Variants in ZNF589 observed in about 807,000 individuals in gnomAD.
ZNF589 encodes zinc finger protein 589, also known as KRAB-zinc finger protein SZF1-1.
In ZNF589, 17 loss-of-function variants were observed where a neutral mutation model predicts 13.6. The ratio of observed to expected loss-of-function variants is 1.25; its 90% CI spans 0.86 to 1.88. ZNF589 has a LOEUF of 1.88. Ranked by LOEUF, ZNF589 falls within the 40% of genes most tolerant of loss-of-function variation. The pLI is 0.00. For synonymous variants in ZNF589, 148 were observed against 161.6 expected (o/e 0.92, Z 0.64); for missense variants, 407 against 434.0 (o/e 0.94, Z 0.55).
rs990216993 is a variant in ZNF589 at position 48,269,456 on chromosome 3, T to C, written c.*670T>C. On this transcript the variant is annotated 3_prime_UTR_variant, in exon 4 of 4. Coordinates refer to ENST00000354698, the MANE Select transcript of ZNF589 (RefSeq NM_016089.3). ...GGAGAAGCCTTATGTGTGTGGGGAA[T>C]GTGGGCGGGGATTTGGCCGGAAGAT... 2 of 425,308 alleles carry C rather than the reference T, an allele frequency of 4.7e-6. No homozygotes were observed. The highest frequency in any genetic ancestry group is 9.0e-6 in the Non-Finnish European group (2 of 222,874). The allele number at this position is 425,308 out of a possible 1,614,324, so 26.3% of individuals were successfully genotyped here.
intron 2 of ZNF589, among the ~76,000 whole-genome samples, chr3:48,251,879 C>G (rs1290502868): frequency 1.3e-5 from 2 of 151,678 alleles, no homozygotes; most frequent in South Asian, 4.2e-4. Flanking sequence ...CTCATCTTTA[C>G]GAAAAGTACA....
At chr3:48,258,815 T>G (rs1372131356) in intron 2 of ZNF589, among the ~76,000 whole-genome samples, 7 of 152,190 alleles carry the variant, frequency 4.6e-5, no homozygotes, top group Non-Finnish European at 1.0e-4. Context: ...TTTGGACTTG[T>G]GCGGTCTGAC....
At position 48,261,164 on chromosome 3, in the gene ZNF589, T is replaced by TA. The variant is rs565650030; in HGVS notation, c.223+234dup. On this transcript the variant is annotated intron_variant, in intron 3 of 3. Coordinates refer to ENST00000354698, the MANE Select transcript of ZNF589 (RefSeq NM_016089.3). ...CAAAGGATAATAAGTGCTACATAGC[T>TA]AAAAAAAAATGTATAAGATATATAT... 3.4e-3 allele frequency among the ~76,000 whole-genome samples: 519 copies of TA among 151,178 alleles called. 4 individuals carry two copies. Among genetic ancestry groups the TA allele is most frequent in the African/African-American group, 0.012 (482 of 41,294 alleles).
At chr3:48,242,547 T>C (rs1031860305) in intron 1 of ZNF589, among the ~76,000 whole-genome samples, 3 of 151,770 alleles carry the variant, frequency 2.0e-5, no homozygotes, top group African/African-American at 7.3e-5. Context: ...CAAGGGATCC[T>C]CCCGCCTCGG....
Position 48,268,230 on chromosome 3 carries a change from G to T in ZNF589, c.539G>T (p.Gly180Val), listed in dbSNP as rs2034043032. 3 of 1,605,752 alleles carry T rather than the reference G, an allele frequency of 1.9e-6. No individual in the cohort carries two copies. In the African/African-American group the frequency reaches 4.0e-5, roughly 21 times the overall value. Residue 180 changes from glycine (G) to valine (V), a missense_variant, in exon 4 of 4, where the codon GGA (glycine) becomes GTA (valine). Coordinates refer to ENST00000354698, the MANE Select transcript of ZNF589 (RefSeq NM_016089.3). The part of the protein sequence containing the change: ...LFQRPPISSW[G>V]GNRILEIQLS... ...CAGAGACCACCAATAAGCTCTTGGG[G>T]AGGCAACAGAATATTAGAGATACAG... is the stretch of plus-strand genomic sequence containing the variant.
At chr3:48,254,353 C>A (rs1015728431) in intron 2 of ZNF589, among the ~76,000 whole-genome samples, 1 of 152,206 alleles carries the variant, frequency 6.6e-6, no homozygotes, top group Non-Finnish European at 1.5e-5. Flanking sequence ...TTTGCCCATA[C>A]CACACTGTCT....
chr3:48,245,307 G>T (rs1467418193), intron 1 of ZNF589, among the ~76,000 whole-genome samples: 1 of 151,980 alleles, frequency 6.6e-6, no homozygotes, highest in East Asian at 1.9e-4. Flanking sequence ...TAGAGATGGG[G>T]TTCACCATTG....
chr3:48,252,449 C>T (rs2033849369), intron 2 of ZNF589, among the ~76,000 whole-genome samples: 1 of 151,540 alleles, frequency 6.6e-6, no homozygotes, highest in Non-Finnish European at 1.5e-5. Context: ...CCTCGGCCTC[C>T]CAAAGTGCTG....
rs2034044260 is a variant in ZNF589 at position 48,268,320 on chromosome 3, C to T, written c.629C>T (p.Pro210Leu). The T allele has an allele frequency of 6.2e-7, 1 of 1,614,026 alleles. No individual in the cohort carries two copies. Among genetic ancestry groups the T allele is most frequent in the East Asian group, 2.2e-5 (1 of 44,886 alleles). Residue 210 changes from proline to leucine, a missense_variant, in exon 4 of 4, where the codon CCA (proline) becomes CTA (leucine). Pro to Leu is a moderately conservative substitution (Grantham distance 98, BLOSUM62 -3). Coordinates refer to ENST00000354698, the MANE Select transcript of ZNF589 (RefSeq NM_016089.3). Reference sequence around the variant, plus strand: ...AGAATTTCCAAGAGGGCAGAAACCCCAGGGTTTGGAGCAGTCACGTTTGGG... The same window carrying T: ...AGAATTTCCAAGAGGGCAGAAACCCTAGGGTTTGGAGCAGTCACGTTTGGG... ...VDRISKRAETPGFGAVTFGEC... is the reference protein window; with the variant it reads ...VDRISKRAETLGFGAVTFGEC...
intron 2 of ZNF589, among the ~76,000 whole-genome samples, chr3:48,259,754 CA>C (rs2033948622): frequency 6.6e-6 from 1 of 151,666 alleles, no homozygotes; most frequent in Admixed American, 6.6e-5. Context: ...CTACTAAAAA[CA>C]AAATACAAAA....
chr3:48,256,325 A>G (rs1334878000), intron 2 of ZNF589: 2 of 499,270 alleles, frequency 4.0e-6, no homozygotes, highest in South Asian at 1.5e-5. Flanking sequence ...TGCAGGAGGA[A>G]CTCTGGAAGC....
rs780663814 is a variant in ZNF589, at chr3:48,269,475, G to A, written c.*689G>A. 1.0e-5 allele frequency: 4 copies of A among 397,616 alleles called. No individual in the cohort carries two copies. Among genetic ancestry groups the A allele is most frequent in the Admixed American group, 3.6e-5 (1 of 27,714 alleles). The allele number at this position is 397,616 out of a possible 1,614,324, so 24.6% of individuals were successfully genotyped here. A position where few individuals can be genotyped will look rare whatever the true frequency, so the allele number is the denominator to read the frequency against. On this transcript the variant is annotated 3_prime_UTR_variant, in exon 4 of 4. Coordinates refer to ENST00000354698, the MANE Select transcript of ZNF589 (RefSeq NM_016089.3). ...GGGGAATGTGGGCGGGGATTTGGCCGGAAGATACTCCTCAACAGACACTGG... is the reference window on the plus strand; with the variant it reads ...GGGGAATGTGGGCGGGGATTTGGCCAGAAGATACTCCTCAACAGACACTGG...
intron 2 of ZNF589, chr3:48,257,970 AAT>A: frequency 2.2e-6 from 1 of 448,000 alleles, no homozygotes; most frequent in South Asian, 1.6e-5. Flanking sequence ...TAGTAAGTTT[AAT>A]ATCAGGTAGC....
chr3:48,256,898 AG>A, intron 2 of ZNF589: 2 of 796,448 alleles, frequency 2.5e-6, no homozygotes, highest in Non-Finnish European at 4.2e-6. Flanking sequence ...CCCACACGGA[AG>A]CTGCCCACAG....
At position 48,241,230 on chromosome 3, in the gene ZNF589, G is replaced by A. The variant is rs1285622508; in HGVS notation, c.43+16G>A. ...ACTGCGGAAGGTGAGTCGGGGCCGCGAGATCGCCTCCCCCATTCGGTGCTC... is the reference window on the plus strand; with the variant it reads ...ACTGCGGAAGGTGAGTCGGGGCCGCAAGATCGCCTCCCCCATTCGGTGCTC... On this transcript the variant is annotated intron_variant, in intron 1 of 3. Coordinates refer to ENST00000354698, the MANE Select transcript of ZNF589 (RefSeq NM_016089.3). The A allele has an allele frequency of 6.2e-7, 1 of 1,610,080 alleles. No individual in the cohort carries two copies. Among genetic ancestry groups the A allele is most frequent in the Non-Finnish European group, 8.5e-7 (1 of 1,179,296 alleles).
At chr3:48,253,960 A>G (rs2033868737) in intron 2 of ZNF589, among the ~76,000 whole-genome samples, 1 of 152,262 alleles carries the variant, frequency 6.6e-6, no homozygotes, top group South Asian at 2.1e-4. Context: ...GATTGGTGGC[A>G]TGTACCTGTA....
At position 48,268,351 on chromosome 3, in the gene ZNF589, T is replaced by A; in HGVS notation, c.660T>A (p.Cys220Ter). The change falls in exon 4 of 4, where the codon TGT becomes TGA. Residue 220 changes from cysteine to a stop codon, truncating the protein, a stop_gained. Coordinates refer to ENST00000354698, the MANE Select transcript of ZNF589 (RefSeq NM_016089.3). LOFTEE classifies it low-confidence loss of function (END_TRUNC). The stretch of plus-strand genomic sequence containing the variant: ...TTGGAGCAGTCACGTTTGGGGAGTG[T>A]GCACTAGCTTTTAACCAGAAGTCAA... ...PGFGAVTFGE[C>*]ALAFNQKSNL... The A allele has an allele frequency of 6.2e-7, 1 of 1,614,182 alleles. No homozygotes were observed. The highest frequency in any genetic ancestry group is 8.5e-7 in the Non-Finnish European group (1 of 1,180,018).
chr3:48,260,105 TAGAAG>T (rs1239163120), intron 2 of ZNF589, among the ~76,000 whole-genome samples: 3 of 152,154 alleles, frequency 2.0e-5, no homozygotes, highest in African/African-American at 4.8e-5. Context: ...AATACTCATT[TAGAAG>T]AGAAGAGACT....
At chr3:48,262,997 A>C (rs2033982654) in intron 3 of ZNF589, among the ~76,000 whole-genome samples, 1 of 152,222 alleles carries the variant, frequency 6.6e-6, no homozygotes. Context: ...TGTAGCTATC[A>C]TGTCCACAAT....
Sources: allele counts gnomAD v4.1 joint callset (sites outside exome capture counted in the v4.1 genomes callset), GRCh38; gene constraint gnomAD v4.1.1; transcripts MANE v1.5; gene names NCBI Gene and HGNC (gene_info 2026-07-23, HGNC 2026-07-21).